CMKLR2: variants seen among roughly 807,000 people sequenced by gnomAD.
CMKLR2 encodes the protein chemerin chemokine-like receptor 2, also known as chemerin-like receptor 2.
A neutral mutation model predicts 23.0 loss-of-function variants in CMKLR2; 18 were observed. The ratio of observed to expected loss-of-function variants is 0.78; its 90% CI spans 0.54 to 1.16. The LOEUF (loss-of-function observed/expected upper bound fraction) is 1.16, where lower values mean the gene tolerates loss of function less well. Among genes scored for constraint, CMKLR2 ranks in the 50% most tolerant of loss-of-function variants. The pLI, the probability that CMKLR2 is intolerant of heterozygous loss-of-function variation, is 0.00. For missense variants in CMKLR2, 401 were observed against 412.7 expected, an observed-to-expected ratio of 0.97 and a Z score of 0.25; for synonymous variants, 158 against 158.9, an observed-to-expected ratio of 0.99 and a Z score of 0.05.
At chr2:206,201,813 C>T (rs917431743) in intron 1 of CMKLR2, among the ~76,000 whole-genome samples, 1 of 152,042 alleles carries the variant, frequency 6.6e-6, no homozygotes, top group Admixed American at 6.6e-5. Flanking sequence ...GAAATATGTC[C>T]AGAGGAGAGG....
chr2:206,190,471 T>C (rs973486896), intron 1 of CMKLR2, among the ~76,000 whole-genome samples: 9 of 152,210 alleles, frequency 5.9e-5, no homozygotes, highest in Admixed American at 5.9e-4. Context: ...AGGAGCCTGT[T>C]ACCACAATGG....
chr2:206,209,902 C>A (rs1689483194), intron 1 of CMKLR2, among the ~76,000 whole-genome samples: 1 of 151,824 alleles, frequency 6.6e-6, no homozygotes, highest in Non-Finnish European at 1.5e-5. Context: ...CCCGCCTCGG[C>A]CTCCCAAAGT....
At chr2:206,205,900 T>C (rs1201961020) in intron 1 of CMKLR2, among the ~76,000 whole-genome samples, 1 of 152,018 alleles carries the variant, frequency 6.6e-6, no homozygotes, top group Non-Finnish European at 1.5e-5. Flanking sequence ...GGTTTCTCCA[T>C]GTTGGTCAGG....
At chr2:206,205,163 T>A (rs1689264813) in intron 1 of CMKLR2, among the ~76,000 whole-genome samples, 1 of 152,200 alleles carries the variant, frequency 6.6e-6, no homozygotes, top group Non-Finnish European at 1.5e-5. Context: ...GTAAAGAGCA[T>A]CCAGTGATTC....
chr2:206,202,464 T>C, intron 1 of CMKLR2, among the ~76,000 whole-genome samples: 1 of 152,298 alleles, frequency 6.6e-6, no homozygotes, highest in East Asian at 1.9e-4. Flanking sequence ...TGTGTGTTTT[T>C]TCCCTTTGTT....
At chr2:206,189,828 G>T (rs1688695006) in intron 1 of CMKLR2, among the ~76,000 whole-genome samples, 2 of 152,108 alleles carry the variant, frequency 1.3e-5, no homozygotes, top group Non-Finnish European at 2.9e-5. Flanking sequence ...CCAGGGGGTG[G>T]TATTTGGGAC....
rs562510112 is a variant in CMKLR2, at chr2:206,212,383, C to G, written c.-29+924G>C. 8.6e-3 allele frequency among the ~76,000 whole-genome samples: 703 copies of G among 81,328 alleles called. 4 individuals carry two copies. The highest frequency in any genetic ancestry group is 0.011 in the Non-Finnish European group (412 of 35,868). 53.4% of individuals were successfully genotyped at this position (81,328 alleles called of 152,430 possible). A position where few individuals can be genotyped will look rare whatever the true frequency, so the allele number is the denominator to read the frequency against. Reference sequence around the variant, plus strand: ...TATAACTTGAGACCCAGGAAAGGTCCCTTGGCCTTTTTTTTTTTAACAAGA... The same window carrying G: ...TATAACTTGAGACCCAGGAAAGGTCGCTTGGCCTTTTTTTTTTTAACAAGA... On this transcript the variant is annotated intron_variant, in intron 1 of 1. Transcript: ENST00000621141.
chr2:206,209,999 T>A (rs1689490840), intron 1 of CMKLR2, among the ~76,000 whole-genome samples: 1 of 149,638 alleles, frequency 6.7e-6, no homozygotes. Flanking sequence ...AGTCTCACTC[T>A]GTCACCCAGA....
At chr2:206,185,354 AG>A (rs1396398653) in intron 1 of CMKLR2, among the ~76,000 whole-genome samples, 1 of 152,200 alleles carries the variant, frequency 6.6e-6, no homozygotes, top group Non-Finnish European at 1.5e-5. Flanking sequence ...GGCTTGACAG[AG>A]GTGAGGGAAT....
intron 1 of CMKLR2, among the ~76,000 whole-genome samples, chr2:206,179,501 A>G (rs773730827): frequency 2.1e-5 from 3 of 140,676 alleles, no homozygotes; most frequent in African/African-American, 5.4e-5. Context: ...CTCAGCCTCC[A>G]GGTATTTTTA....
At chr2:206,194,744 C>CTTTTTT (rs745647131) in intron 1 of CMKLR2, among the ~76,000 whole-genome samples, 2 of 76,820 alleles carry the variant, frequency 2.6e-5, no homozygotes, top group African/African-American at 5.1e-5. Context: ...CCATCATAGA[C>CTTTTTT]TTTTTTTTTT....
At chr2:206,179,551 G>A (rs1306289344) in intron 1 of CMKLR2, among the ~76,000 whole-genome samples, 1 of 148,822 alleles carries the variant, frequency 6.7e-6, no homozygotes, top group Non-Finnish European at 1.5e-5. Flanking sequence ...GGATGGTCTC[G>A]ATCTCTTGAC....
intron 1 of CMKLR2, among the ~76,000 whole-genome samples, chr2:206,179,308 C>A (rs1200297419): frequency 2.0e-5 from 3 of 150,390 alleles, no homozygotes; most frequent in Non-Finnish European, 4.4e-5. Flanking sequence ...CTCCCGACTT[C>A]CGGTGATTCG....
chr2:206,201,967 G>C (rs939963470), intron 1 of CMKLR2, among the ~76,000 whole-genome samples: 1 of 152,106 alleles, frequency 6.6e-6, no homozygotes, highest in Admixed American at 6.5e-5. Flanking sequence ...ATTCAAACTG[G>C]CTTCAAAAAA....
At chr2:206,209,063 C>T (rs1203930106) in intron 1 of CMKLR2, among the ~76,000 whole-genome samples, 1 of 152,150 alleles carries the variant, frequency 6.6e-6, no homozygotes, top group African/African-American at 2.4e-5. Flanking sequence ...CACAGCCAGG[C>T]TCGGTGACTC....
chr2:206,179,445 C>T (rs1338483350), intron 1 of CMKLR2, among the ~76,000 whole-genome samples: 1 of 130,146 alleles, frequency 7.7e-6, no homozygotes, highest in Admixed American at 8.6e-5. Flanking sequence ...GGCGCCATCT[C>T]GGCTCATTGC....
At chr2:206,184,510 T>C (rs1235265313) in intron 1 of CMKLR2, among the ~76,000 whole-genome samples, 1 of 152,156 alleles carries the variant, frequency 6.6e-6, no homozygotes, top group Non-Finnish European at 1.5e-5. Context: ...TTGGCCAGGC[T>C]GGTCTCAAAC....
At chr2:206,203,897 A>G (rs192636844) in intron 1 of CMKLR2, 2 of 152,354 alleles carry the variant, frequency 1.3e-5, no homozygotes, top group Admixed American at 6.5e-5. Flanking sequence ...AGCTTACCAT[A>G]TAAGTGTTTT....
chr2:206,214,910 C>A (rs1689704034), upstream of CMKLR2, among the ~76,000 whole-genome samples: 1 of 152,126 alleles, frequency 6.6e-6, no homozygotes, highest in Non-Finnish European at 1.5e-5. Flanking sequence ...CAGGTGTGAG[C>A]CACCACACCT....
Sources: allele counts gnomAD v4.1 joint callset (sites outside exome capture counted in the v4.1 genomes callset), GRCh38; gene constraint gnomAD v4.1.1; transcripts MANE v1.5; gene names NCBI Gene and HGNC (gene_info 2026-07-23, HGNC 2026-07-21).